Variants in ELMO1 observed in about 807,000 individuals in gnomAD.
ELMO1 encodes engulfment and cell motility protein 1.
A neutral mutation model predicts 98.9 loss-of-function variants in ELMO1; 26 were observed. The ratio of observed to expected loss-of-function variants is 0.26; its 90% CI spans 0.19 to 0.36. The LOEUF is 0.36. Ranked by LOEUF, ELMO1 falls within the 10% of genes least tolerant of loss-of-function variation. The pLI is 1.00. For missense variants in ELMO1, 627 were observed against 935.2 expected, an observed-to-expected ratio of 0.67 and a Z score of 4.30; for synonymous variants, 346 against 346.0, an observed-to-expected ratio of 1.00 and a Z score of 0.00.
chr7:37,238,866 C>G (rs959299457), intron 7 of ELMO1, among the ~76,000 whole-genome samples: 1 of 152,134 alleles, frequency 6.6e-6, no homozygotes, highest in Admixed American at 6.5e-5. Flanking sequence ...AAATGTTAAA[C>G]TATTTCTGAG....
chr7:37,212,820 A>G (rs1247689512), intron 12 of ELMO1, among the ~76,000 whole-genome samples: 1 of 152,218 alleles, frequency 6.6e-6, no homozygotes, highest in African/African-American at 2.4e-5. Flanking sequence ...GAATGGAGCT[A>G]TAACCTTTCA....
intron 5 of ELMO1, among the ~76,000 whole-genome samples, chr7:37,262,416 T>C (rs1183885810): frequency 6.6e-6 from 1 of 152,166 alleles, no homozygotes; most frequent in Non-Finnish European, 1.5e-5. Flanking sequence ...TAAAGCCTTC[T>C]CCAAATTGTC....
rs571005963 is a variant in ELMO1 at position 37,338,217 on chromosome 7, T to A, written c.78+4396A>T. Reference sequence around the variant, plus strand: ...GGACCATCAAAGTAGCAAATTATTATCCCAAAGAAACTGAGGCTCAAGGCT... The same window carrying A: ...GGACCATCAAAGTAGCAAATTATTAACCCAAAGAAACTGAGGCTCAAGGCT... On this transcript the variant is annotated intron_variant, in intron 2 of 21. Coordinates refer to ENST00000310758, the MANE Select transcript of ELMO1 (RefSeq NM_014800.11). Among the ~76,000 whole-genome samples the A allele has an allele frequency of 1.2e-4, 18 of 152,114 alleles. No homozygotes were observed. In the East Asian group the frequency reaches 3.5e-3, roughly 29 times the overall value.
chr7:37,043,516 G>A (rs1285052058), intron 15 of ELMO1, among the ~76,000 whole-genome samples: 2 of 152,106 alleles, frequency 1.3e-5, no homozygotes, highest in Admixed American at 6.5e-5. Context: ...CTGTGGAGTC[G>A]GCCGTATGAA....
chr7:37,196,703 A>G (rs1791983443), intron 13 of ELMO1, among the ~76,000 whole-genome samples: 1 of 152,188 alleles, frequency 6.6e-6, no homozygotes, highest in Admixed American at 6.5e-5. Context: ...ACAACTTGAA[A>G]ACAAAAATTA....
intron 16 of ELMO1, among the ~76,000 whole-genome samples, chr7:36,965,313 G>T (rs1789322548): frequency 6.6e-6 from 1 of 152,170 alleles, no homozygotes; most frequent in Admixed American, 6.5e-5. Context: ...AAGAGGGAGG[G>T]CCTGGCTTAT....
Position 37,246,489 on chromosome 7 carries a change from A to G in ELMO1, c.414-2098T>C, listed in dbSNP as rs897090507. Among the ~76,000 whole-genome samples, 6 of 152,136 alleles carry G rather than the reference A, an allele frequency of 3.9e-5. No homozygotes were observed. In the East Asian group the frequency reaches 1.2e-3, roughly 29 times the overall value. On this transcript the variant is annotated intron_variant, in intron 6 of 21. Coordinates refer to ENST00000310758, the MANE Select transcript of ELMO1 (RefSeq NM_014800.11). Reference sequence around the variant, plus strand: ...ATAACCAGTAATAAAACAAAGAGATACCATGTGCCATCAACAGGACGAAAT... The same window carrying G: ...ATAACCAGTAATAAAACAAAGAGATGCCATGTGCCATCAACAGGACGAAAT...
chr7:36,939,293 T>C (rs1290494095), intron 16 of ELMO1, among the ~76,000 whole-genome samples: 3 of 149,764 alleles, frequency 2.0e-5, no homozygotes, highest in African/African-American at 7.6e-5. Context: ...CAAGTACTCA[T>C]AGAAGACTTA....
chr7:37,226,993 G>C (rs2130576093), intron 8 of ELMO1, among the ~76,000 whole-genome samples: 1 of 152,266 alleles, frequency 6.6e-6, no homozygotes, highest in South Asian at 2.1e-4. Context: ...GCATCCAAAA[G>C]GATGCCACCA....
In ELMO1 at chr7:36,860,125, C is replaced by T. The variant is rs147282901; in HGVS notation, c.1983+1534G>A. ...AGAATACAGTATAAAATCCACATAACATACAAAATGTGTGTGAATCAACTG... is the reference window on the plus strand; with the variant it reads ...AGAATACAGTATAAAATCCACATAATATACAAAATGTGTGTGAATCAACTG... On this transcript the variant is annotated intron_variant, in intron 21 of 21. Coordinates refer to ENST00000310758, the MANE Select transcript of ELMO1 (RefSeq NM_014800.11). Among the ~76,000 whole-genome samples, 600 of 152,288 alleles carry T rather than the reference C, an allele frequency of 3.9e-3. 4 individuals are homozygous for T. Among genetic ancestry groups the T allele is most frequent in the Non-Finnish European group, 6.1e-3 (413 of 68,018 alleles).
chr7:36,924,882 C>T (rs1455441632), intron 16 of ELMO1, among the ~76,000 whole-genome samples: 1 of 152,274 alleles, frequency 6.6e-6, no homozygotes, highest in East Asian at 1.9e-4. Flanking sequence ...GTTTTCTGCC[C>T]TCACTTTGCA....
At chr7:37,284,404 G>T (rs528678075) in intron 4 of ELMO1, among the ~76,000 whole-genome samples, 2 of 152,258 alleles carry the variant, frequency 1.3e-5, no homozygotes, top group East Asian at 3.9e-4. Flanking sequence ...AAGGGAATGC[G>T]TTCAGAAGAC....
intron 7 of ELMO1, among the ~76,000 whole-genome samples, chr7:37,239,039 G>A (rs943603710): frequency 3.3e-5 from 5 of 152,110 alleles, no homozygotes; most frequent in South Asian, 2.1e-4. Flanking sequence ...ATAAAATAAT[G>A]AGAACTGGTC....
At chr7:36,965,111 C>T (rs1013598423) in intron 16 of ELMO1, among the ~76,000 whole-genome samples, 15 of 152,280 alleles carry the variant, frequency 9.9e-5, no homozygotes, top group Middle Eastern at 3.4e-3. Flanking sequence ...CACTCTTCCT[C>T]AGCATCCTGG....
At chr7:37,346,721 G>C (rs1801027872) in intron 1 of ELMO1, among the ~76,000 whole-genome samples, 1 of 152,174 alleles carries the variant, frequency 6.6e-6, no homozygotes, top group African/African-American at 2.4e-5. Flanking sequence ...ACACAATCGT[G>C]GGGGTTAAGA....
chr7:37,447,278 C>A (rs1805657205), intron 1 of ELMO1, among the ~76,000 whole-genome samples: 1 of 152,174 alleles, frequency 6.6e-6, no homozygotes, highest in South Asian at 2.1e-4. Context: ...ATCCCCAAGT[C>A]ACTGGCAGCG....
chr7:37,234,180 T>C (rs1794334271), intron 7 of ELMO1, among the ~76,000 whole-genome samples: 1 of 152,230 alleles, frequency 6.6e-6, no homozygotes, highest in Non-Finnish European at 1.5e-5. Flanking sequence ...TACACTGTAT[T>C]ATGTAACAGC....
At chr7:37,345,440 G>C (rs993464930) in intron 1 of ELMO1, among the ~76,000 whole-genome samples, 10 of 152,018 alleles carry the variant, frequency 6.6e-5, no homozygotes, top group Non-Finnish European at 1.5e-4. Flanking sequence ...GGCCAGGTGC[G>C]GTGGCTCACG....
intron 13 of ELMO1, among the ~76,000 whole-genome samples, chr7:37,140,280 G>A (rs1315604440): frequency 2.0e-5 from 3 of 151,846 alleles, no homozygotes; most frequent in East Asian, 3.9e-4. Flanking sequence ...CAACTACTCC[G>A]GAGGCTGAGG....
Sources: gnomAD v4.1 joint callset for allele counts (sites outside exome capture counted in the v4.1 genomes callset) on GRCh38, gnomAD v4.1.1 for gene constraint, MANE v1.5 for transcripts, NCBI Gene and HGNC (gene_info 2026-07-23, HGNC 2026-07-21) for gene names.